KCNH7: variants seen among roughly 807,000 people sequenced by gnomAD.
KCNH7 encodes the protein potassium voltage-gated channel subfamily H member 7, also known as voltage-gated inwardly rectifying potassium channel KCNH7.
In KCNH7, 49 loss-of-function variants were observed where a neutral mutation model predicts 120.8. That is an observed-to-expected ratio of 0.41 (90% CI 0.32 to 0.51). The LOEUF is 0.51. Ranked by LOEUF, KCNH7 falls within the 20% of genes least tolerant of loss-of-function variation. The pLI, the probability that KCNH7 is intolerant of heterozygous loss-of-function variation, is 0.38. For synonymous variants in KCNH7, 547 were observed against 516.1 expected (o/e 1.06, Z -0.81); for missense variants, 1,097 against 1,446.6 (o/e 0.76, Z 3.92).
At chr2:162,799,123 AT>A (rs994532441) in intron 2 of KCNH7, among the ~76,000 whole-genome samples, 1 of 151,956 alleles carries the variant, frequency 6.6e-6, no homozygotes, top group Non-Finnish European at 1.5e-5. Context: ...TGAGAAATAT[AT>A]TTTATTTTTT....
intron 2 of KCNH7, among the ~76,000 whole-genome samples, chr2:162,545,510 A>G (rs914335940): frequency 6.6e-6 from 1 of 152,164 alleles, no homozygotes; most frequent in African/African-American, 2.4e-5. Context: ...CATGAGAGGA[A>G]AGGGAATGCC....
intron 2 of KCNH7, among the ~76,000 whole-genome samples, chr2:162,548,492 C>A (rs1692554738): frequency 6.6e-6 from 1 of 152,006 alleles, no homozygotes; most frequent in East Asian, 1.9e-4. Context: ...TTGCTTAGTA[C>A]CTTTTCAAAG....
chr2:162,546,438 G>A (rs984035763), intron 2 of KCNH7, among the ~76,000 whole-genome samples: 3 of 151,896 alleles, frequency 2.0e-5, no homozygotes, highest in Non-Finnish European at 4.4e-5. Context: ...CCATTTGTTC[G>A]GTCAAATTGC....
At chr2:162,440,584 A>G (rs141318634) in intron 7 of KCNH7, among the ~76,000 whole-genome samples, 12 of 152,164 alleles carry the variant, frequency 7.9e-5, no homozygotes, top group African/African-American at 2.9e-4. Context: ...ATTTACTAAT[A>G]CAATCAAAGA....
intron 2 of KCNH7, among the ~76,000 whole-genome samples, chr2:162,750,309 CT>C (rs1217015140): frequency 2.1e-5 from 3 of 144,568 alleles, no homozygotes; most frequent in African/African-American, 8.7e-5. Flanking sequence ...AACTTTTAAT[CT>C]CACAGAGAAG....
chr2:162,751,698 T>C (rs1177328277), intron 2 of KCNH7, among the ~76,000 whole-genome samples: 2 of 151,880 alleles, frequency 1.3e-5, no homozygotes, highest in Non-Finnish European at 2.9e-5. Context: ...ATTTTAAGCT[T>C]GATTAAATAT....
chr2:162,684,899 G>A (rs1300857399), intron 2 of KCNH7, among the ~76,000 whole-genome samples: 3 of 152,068 alleles, frequency 2.0e-5, no homozygotes, highest in Admixed American at 6.6e-5. Flanking sequence ...ACATGCACAC[G>A]TATGTTAACT....
At chr2:162,537,993 G>T (rs1233050219) in intron 2 of KCNH7, 1 of 152,030 alleles carries the variant, frequency 6.6e-6, no homozygotes, top group Non-Finnish European at 1.5e-5. Context: ...CTCTGAATAT[G>T]CTCTTTAGTC....
chr2:162,823,542 T>C (rs946003042), intron 2 of KCNH7, among the ~76,000 whole-genome samples: 17 of 151,974 alleles, frequency 1.1e-4, no homozygotes, highest in Admixed American at 6.6e-5. Context: ...ATTCCATTTC[T>C]AGAACAACAA....
At chr2:162,748,917 TTCCCTTTCC>T (rs1375020376) in intron 2 of KCNH7, among the ~76,000 whole-genome samples, 16 of 60,336 alleles carry the variant, frequency 2.7e-4, no homozygotes, top group African/African-American at 2.3e-3. Flanking sequence ...CTTCCTTCCC[TTCCCTTTCC>T]TTTCCTTCCT....
At chr2:162,426,715 A>C (rs1203211475) in intron 8 of KCNH7, among the ~76,000 whole-genome samples, 2 of 152,156 alleles carry the variant, frequency 1.3e-5, no homozygotes, top group African/African-American at 2.4e-5. Context: ...TAATAAAATA[A>C]ATTTTATTGA....
Position 162,762,859 on chromosome 2 carries a change from T to G in KCNH7, c.307+73678A>C, listed in dbSNP as rs1689014485. 4.6e-5 allele frequency among the ~76,000 whole-genome samples: 7 copies of G among 152,188 alleles called. No homozygotes were observed. In the South Asian group the frequency reaches 1.2e-3, roughly 27 times the overall value. ...TATAGGTAAACATGGGAGGTATGAG[T>G]CTTAATCTGTGTTTTATCTAGAATA... On this transcript the variant is annotated intron_variant, in intron 2 of 15. Transcript: ENST00000332142.
At chr2:162,498,980 A>G (rs1161587912) in intron 6 of KCNH7, among the ~76,000 whole-genome samples, 1 of 152,026 alleles carries the variant, frequency 6.6e-6, no homozygotes, top group Non-Finnish European at 1.5e-5. Flanking sequence ...TTTGAGTTGG[A>G]TTTCTGTTAC....
intron 9 of KCNH7, among the ~76,000 whole-genome samples, chr2:162,402,789 G>A (rs142624560): frequency 0.013 from 1,917 of 149,298 alleles, 23 homozygotes; most frequent in Middle Eastern, 0.037. Context: ...AAAAAATTGC[G>A]TGTGTGTGTG....
At chr2:162,559,734 G>A (rs749116781) in intron 2 of KCNH7, among the ~76,000 whole-genome samples, 1 of 152,152 alleles carries the variant, frequency 6.6e-6, no homozygotes, top group African/African-American at 2.4e-5. Flanking sequence ...ACATTGATGG[G>A]GTAAGGTGGT....
chr2:162,439,379 A>G (rs1292745909), intron 7 of KCNH7, among the ~76,000 whole-genome samples: 1 of 152,114 alleles, frequency 6.6e-6, no homozygotes, highest in African/African-American at 2.4e-5. Flanking sequence ...AAAATAAGAT[A>G]CAAAAACAGG....
chr2:162,592,682 A>ATTCATG (rs1553500101), intron 2 of KCNH7, among the ~76,000 whole-genome samples: 9 of 152,198 alleles, frequency 5.9e-5, no homozygotes, highest in Non-Finnish European at 1.5e-5. Flanking sequence ...ATTTAGCACT[A>ATTCATG]CTTTATTCAT....
intron 2 of KCNH7, among the ~76,000 whole-genome samples, chr2:162,635,263 C>T (rs1287196428): frequency 6.6e-6 from 1 of 152,034 alleles, no homozygotes; most frequent in Non-Finnish European, 1.5e-5. Context: ...ATAGGTAAGA[C>T]ACAGTTTGTC....
At chr2:162,398,053 A>G (rs1686964499) in intron 10 of KCNH7, among the ~76,000 whole-genome samples, 1 of 151,820 alleles carries the variant, frequency 6.6e-6, no homozygotes. Flanking sequence ...TCTGACTATC[A>G]AAGTACTTAA....
Sources: gnomAD v4.1 joint callset for allele counts (sites outside exome capture counted in the v4.1 genomes callset) on GRCh38, gnomAD v4.1.1 for gene constraint, MANE v1.5 for transcripts, NCBI Gene and HGNC (gene_info 2026-07-23, HGNC 2026-07-21) for gene names.